The following VIPR1 variants were observed in gnomAD, a reference collection of about 807,000 sequenced individuals.
VIPR1 encodes the protein vasoactive intestinal peptide receptor 1, also known as vasoactive intestinal polypeptide receptor 1.
In VIPR1, 59 loss-of-function variants were observed where a neutral mutation model predicts 58.8. That is an observed-to-expected ratio of 1.00 (90% CI 0.81 to 1.25). The LOEUF is 1.25. Among genes scored for constraint, VIPR1 ranks in the 50% most tolerant of loss-of-function variants. The pLI, the probability that VIPR1 is intolerant of heterozygous loss-of-function variation, is 0.00. For missense variants in VIPR1, 626 were observed against 602.7 expected (o/e 1.04, Z -0.40); for synonymous variants, 251 against 242.1 (o/e 1.04, Z -0.34).
intron 6 of VIPR1, 68 bp from the exon 7 acceptor site, chr3:42,530,711 C>T: frequency 1.3e-6 from 2 of 1,556,330 alleles, no homozygotes; most frequent in Non-Finnish European, 1.8e-6. Flanking sequence ...TCCCCCCAGA[C>T]ACGAGTGTGG....
In VIPR1 at chr3:42,528,071, A is replaced by C; in HGVS notation, c.584A>C (p.Lys195Thr). 6.2e-7 allele frequency: 1 copy of C among 1,613,962 alleles called. No homozygotes were observed. Among genetic ancestry groups the C allele is most frequent in the Non-Finnish European group, 8.5e-7 (1 of 1,179,940 alleles). Residue 195 changes from lysine (K) to threonine (T), a missense_variant, in exon 6 of 13, where the codon AAA becomes ACA. Physicochemically the swap from Lys to Thr is moderately conservative, Grantham distance 78. Coordinates refer to ENST00000325123, the MANE Select transcript of VIPR1 (RefSeq NM_004624.4). ...CTGAGGGCTGCCGCTGTCTTCATCA[A>C]AGACTTGGCCCTCTTCGACAGCGGG... ...FILRAAAVFI[K>T]DLALFDSGES...
chr3:42,525,026 C>T (rs1237909865), intron 3 of VIPR1, among the ~76,000 whole-genome samples: 1 of 152,172 alleles, frequency 6.6e-6, no homozygotes, highest in African/African-American at 2.4e-5. Context: ...GCTGATGCTG[C>T]TCATGGTGAC....
rs946039463 is a variant in VIPR1 at position 42,502,710 on chromosome 3, C to A, written c.-26C>A. ...CGCCAGCTCTTTGCCCGCGCGGGGCCGCCCGCCGCGGGCTCAGGGCAGACC... is the reference window on the plus strand; with the variant it reads ...CGCCAGCTCTTTGCCCGCGCGGGGCAGCCCGCCGCGGGCTCAGGGCAGACC... On this transcript the variant is annotated 5_prime_UTR_variant, in exon 1 of 13. Coordinates refer to ENST00000325123, the MANE Select transcript of VIPR1 (RefSeq NM_004624.4). The A allele has an allele frequency of 3.1e-6, 4 of 1,283,340 alleles. No individual in the cohort carries two copies. The highest frequency in any genetic ancestry group is 3.9e-6 in the Non-Finnish European group (4 of 1,019,802). The allele number at this position is 1,283,340 out of a possible 1,614,324, so 79.5% of individuals were successfully genotyped here.
chr3:42,526,237 C>G (rs2239500), intron 4 of VIPR1, among the ~76,000 whole-genome samples: 3 of 152,178 alleles, frequency 2.0e-5, no homozygotes, highest in Admixed American at 6.5e-5. Flanking sequence ...TGAAGCAGCT[C>G]CCCCAGGCTG....
chr3:42,530,661 C>CA (rs1255944034), intron 6 of VIPR1, 118 bp from the exon 7 acceptor site: 16 of 1,257,658 alleles, frequency 1.3e-5, no homozygotes, highest in Non-Finnish European at 1.7e-5. Context: ...TAATGCAAAA[C>CA]AACAAAGAGA....
intron 1 of VIPR1, among the ~76,000 whole-genome samples, chr3:42,491,800 C>A (rs1332749138): frequency 6.6e-6 from 1 of 152,194 alleles, no homozygotes; most frequent in Non-Finnish European, 1.5e-5. Context: ...GTCTCGAACT[C>A]CTGACCTCAA....
At chr3:42,535,989 A>G in intron 12 of VIPR1, 101 bp from the exon 13 acceptor site, 1 of 1,351,230 alleles carries the variant, frequency 7.4e-7, no homozygotes, top group Non-Finnish European at 9.9e-7. Flanking sequence ...TTTCCTAAAG[A>G]GAATAAGACT....
intron 1 of VIPR1, 96 bp downstream of exon 1, chr3:42,502,909 G>A (rs868319589): frequency 1.0e-6 from 1 of 996,040 alleles, no homozygotes; most frequent in Non-Finnish European, 1.3e-6. Flanking sequence ...GTCTGTGCGC[G>A]TGTCTGTGTA....
chr3:42,512,953 A>G, intron 1 of VIPR1: 1 of 985,428 alleles, frequency 1.0e-6, no homozygotes, highest in Non-Finnish European at 1.2e-6. Context: ...CCACAAGGTC[A>G]GTGACCCCAG....
rs145692174 is a variant in VIPR1 at position 42,518,313 on chromosome 3, G to A, written c.185-910G>A. 5.4e-4 allele frequency among the ~76,000 whole-genome samples: 82 copies of A among 152,206 alleles called. 1 individual carries two copies. The East Asian group carries it at 0.015, about 29-fold the overall frequency. ...CAAGTATCACAGGCAGCACTGCTAT[G>A]GGTATCATGATTTTCCAAAACATTG... On this transcript the variant is annotated intron_variant, in intron 2 of 12. Coordinates refer to ENST00000325123, the MANE Select transcript of VIPR1 (RefSeq NM_004624.4).
chr3:42,534,833 T>C (rs1241957130), intron 10 of VIPR1, 142 bp from the exon 11 acceptor site: 1 of 1,109,324 alleles, frequency 9.0e-7, no homozygotes, highest in East Asian at 2.6e-5. Context: ...GGGCATAATA[T>C]TCAGAGGAAC....
chr3:42,498,961 G>A (rs1406967201), upstream of VIPR1, among the ~76,000 whole-genome samples: 1 of 152,222 alleles, frequency 6.6e-6, no homozygotes, highest in Non-Finnish European at 1.5e-5. Flanking sequence ...CTTCTCACAG[G>A]AAGAACTGGC....
intron 1 of VIPR1, among the ~76,000 whole-genome samples, chr3:42,491,607 CTG>C (rs1406256716): frequency 1.3e-5 from 2 of 152,108 alleles, no homozygotes; most frequent in Non-Finnish European, 2.9e-5. Context: ...TGGAGTCTCA[CTG>C]TGTCACCCAG....
intron 2 of VIPR1, 151 bp from the exon 3 acceptor site, chr3:42,519,072 G>A (rs959912668): frequency 4.2e-5 from 24 of 566,190 alleles, no homozygotes; most frequent in East Asian, 1.7e-4. Context: ...TGCAACCTCC[G>A]CAGGGCTGTG....
In VIPR1 at chr3:42,523,093, C is replaced by CG. The variant is rs201649077; in HGVS notation, c.293-2794_293-2793insG. Among the ~76,000 whole-genome samples the CG allele has an allele frequency of 7.9e-3, 1,192 of 150,176 alleles. 14 individuals are homozygous for CG. Among genetic ancestry groups the CG allele is most frequent in the Non-Finnish European group, 0.012 (827 of 67,920 alleles). On this transcript the variant is annotated intron_variant, in intron 3 of 12. Transcript: ENST00000325123. ...ACTGTTGCATGCCCTGACCCCGCCC[C>CG]CAGTGGAGTGTCCTTCCCAGCACAG...
chr3:42,533,470 G>A (rs1460168733), intron 10 of VIPR1: 2 of 152,024 alleles, frequency 1.3e-5, no homozygotes, highest in African/African-American at 4.8e-5. Context: ...CAGCACATCG[G>A]GCCTGTGCAC....
chr3:42,527,498 T>C lies in VIPR1; in HGVS notation c.503+2T>C, dbSNP rs2125669686. Reference sequence around the variant, plus strand: ...CACAGCTATCCTGAGCCTGTTCAGGTGAGGCCCAGCCCAAGTCACAGGCCT... The same window carrying C: ...CACAGCTATCCTGAGCCTGTTCAGGCGAGGCCCAGCCCAAGTCACAGGCCT... On this transcript the variant is annotated splice_donor_variant, in intron 5 of 12. Coordinates refer to ENST00000325123, the MANE Select transcript of VIPR1 (RefSeq NM_004624.4). LOFTEE classifies it high-confidence loss of function. 6.2e-7 allele frequency: 1 copy of C among 1,613,308 alleles called. No individual in the cohort carries two copies.
At chr3:42,514,024 C>T (rs955197248) in intron 2 of VIPR1, among the ~76,000 whole-genome samples, 170 bp downstream of exon 2, 15 of 152,322 alleles carry the variant, frequency 9.8e-5, no homozygotes, top group Middle Eastern at 3.4e-3. Flanking sequence ...TCCACATTCC[C>T]ACCCCAGGTC....
chr3:42,497,701 AC>A (rs758416008), upstream of VIPR1, among the ~76,000 whole-genome samples: 6 of 152,142 alleles, frequency 3.9e-5, no homozygotes, highest in Non-Finnish European at 8.8e-5. Context: ...TTTCCCCGAT[AC>A]CGTTCTTGTG....
Sources: allele counts gnomAD v4.1 joint callset (sites outside exome capture counted in the v4.1 genomes callset), GRCh38; gene constraint gnomAD v4.1.1; transcripts MANE v1.5; gene names NCBI Gene and HGNC (gene_info 2026-07-23, HGNC 2026-07-21).